GALNT1: variants seen among roughly 807,000 people sequenced by gnomAD.
GALNT1 encodes the protein polypeptide N-acetylgalactosaminyltransferase 1, also known as GalNAc transferase 1.
In GALNT1, 17 loss-of-function variants were observed where a neutral mutation model predicts 65.7. The ratio of observed to expected loss-of-function variants is 0.26; its 90% CI spans 0.18 to 0.39. GALNT1 has a LOEUF of 0.39. Ranked by LOEUF, GALNT1 falls within the 10% of genes least tolerant of loss-of-function variation. GALNT1 has a pLI of 1.00. For missense variants in GALNT1, 460 were observed against 672.8 expected, an observed-to-expected ratio of 0.68 and a Z score of 3.50; for synonymous variants, 210 against 219.7, an observed-to-expected ratio of 0.96 and a Z score of 0.39.
At chr18:35,636,435 GT>G (rs1460771469) in intron 1 of GALNT1, among the ~76,000 whole-genome samples, 4 of 151,970 alleles carry the variant, frequency 2.6e-5, no homozygotes, top group African/African-American at 9.7e-5. Flanking sequence ...CAAAACAACT[GT>G]AGAAAAAACT....
intron 1 of GALNT1, among the ~76,000 whole-genome samples, chr18:35,644,574 TTTAA>T (rs2047205824): frequency 6.6e-6 from 1 of 152,252 alleles, no homozygotes; most frequent in Admixed American, 6.5e-5. Flanking sequence ...AAGTTTATTT[TTTAA>T]TTATATGGAA....
intron 1 of GALNT1, among the ~76,000 whole-genome samples, chr18:35,634,883 G>A (rs920894278): frequency 6.6e-6 from 1 of 152,176 alleles, no homozygotes; most frequent in Non-Finnish European, 1.5e-5. Flanking sequence ...TCTAAGGATA[G>A]CAATCTTAGG....
chr18:35,668,349 T>C (rs1209215534), intron 3 of GALNT1, among the ~76,000 whole-genome samples: 1 of 152,064 alleles, frequency 6.6e-6, no homozygotes, highest in African/African-American at 2.4e-5. Context: ...GATCCAGACC[T>C]TAAAAGATAA....
At chr18:35,644,716 C>T (rs771021195) in intron 1 of GALNT1, among the ~76,000 whole-genome samples, 14 of 152,080 alleles carry the variant, frequency 9.2e-5, no homozygotes, top group Non-Finnish European at 4.4e-5. Flanking sequence ...CCAGGCCAGG[C>T]GTGGTGACTC....
At chr18:35,587,960 A>G (rs1008391308) in intron 1 of GALNT1, among the ~76,000 whole-genome samples, 2 of 151,982 alleles carry the variant, frequency 1.3e-5, no homozygotes, top group African/African-American at 4.8e-5. Flanking sequence ...TTTTCCTTTC[A>G]TCTTCTGTTT....
At chr18:35,632,013 A>G (rs2047019768) in intron 1 of GALNT1, among the ~76,000 whole-genome samples, 1 of 152,238 alleles carries the variant, frequency 6.6e-6, no homozygotes, top group Non-Finnish European at 1.5e-5. Context: ...GACCTCTTCA[A>G]GGAGAACTAC....
intron 1 of GALNT1, among the ~76,000 whole-genome samples, chr18:35,634,043 CTTG>C (rs919933612): frequency 1.3e-5 from 2 of 152,074 alleles, no homozygotes; most frequent in Non-Finnish European, 2.9e-5. Flanking sequence ...CATTTGAGTT[CTTG>C]TTGTGTAAGT....
intron 1 of GALNT1, among the ~76,000 whole-genome samples, chr18:35,632,305 C>A (rs2047025145): frequency 6.6e-6 from 1 of 152,162 alleles, no homozygotes; most frequent in African/African-American, 2.4e-5. Context: ...AACTATACTA[C>A]AAGGCTACAG....
rs944863720 is a variant in GALNT1 at position 35,610,316 on chromosome 18, C to T, written c.-104+28454C>T. Among the ~76,000 whole-genome samples, 7 of 152,236 alleles carry T rather than the reference C, an allele frequency of 4.6e-5. No individual in the cohort carries two copies. In the South Asian group the frequency reaches 1.0e-3, roughly 23 times the overall value. On this transcript the variant is annotated intron_variant, in intron 1 of 11. Coordinates refer to ENST00000269195, the MANE Select transcript of GALNT1 (RefSeq NM_020474.4). ...TCTCATTGCCCTGCCTCAGAGAAGC[C>T]GTTCCTGATCACCTAGGATAAAGTA...
rs139084167 is a variant in GALNT1 at position 35,600,492 on chromosome 18, C to G, written c.-104+18630C>G. On this transcript the variant is annotated intron_variant, in intron 1 of 11. Coordinates refer to ENST00000269195, the MANE Select transcript of GALNT1 (RefSeq NM_020474.4). ...CAAGGATAATTTGACTACTTTCTTT[C>G]CAATTTGGAGGCCCTTTATGTCTTT... Among the ~76,000 whole-genome samples, 51 of 152,234 alleles carry G rather than the reference C, an allele frequency of 3.4e-4. 2 individuals are homozygous for G. The East Asian group carries it at 8.9e-3, about 26-fold the overall frequency.
At chr18:35,583,291 C>G (rs1568010218) in intron 1 of GALNT1, among the ~76,000 whole-genome samples, 1 of 152,150 alleles carries the variant, frequency 6.6e-6, no homozygotes. Flanking sequence ...TCTGCTTTAC[C>G]AGGATTTCAA....
intron 1 of GALNT1, among the ~76,000 whole-genome samples, chr18:35,594,596 T>G (rs2046483104): frequency 6.6e-6 from 1 of 152,144 alleles, no homozygotes; most frequent in African/African-American, 2.4e-5. Context: ...GGTTAGAGAT[T>G]GTATGTAAGG....
Position 35,710,651 on chromosome 18 carries a change from G to T in GALNT1, c.*881G>T, listed in dbSNP as rs1234843670. 6.6e-6 allele frequency: 1 copy of T among 152,590 alleles called. No individual in the cohort carries two copies. Among genetic ancestry groups the T allele is most frequent in the Non-Finnish European group, 1.5e-5 (1 of 68,030 alleles). The allele number at this position is 152,590 out of a possible 1,614,324, so 9.5% of individuals were successfully genotyped here. A position where few individuals can be genotyped will look rare whatever the true frequency, so the allele number is the denominator to read the frequency against. Reference sequence around the variant, plus strand: ...TTGCTCTTGGGTCAACTGGCTTACAGATTTACATGTGCACACACACACAAA... The same window carrying T: ...TTGCTCTTGGGTCAACTGGCTTACATATTTACATGTGCACACACACACAAA... On this transcript the variant is annotated 3_prime_UTR_variant, in exon 12 of 12. Transcript: ENST00000269195.
intron 1 of GALNT1, among the ~76,000 whole-genome samples, chr18:35,600,035 C>T (rs1051269172): frequency 3.3e-5 from 5 of 151,846 alleles, no homozygotes; most frequent in African/African-American, 9.7e-5. Context: ...AATTTAGGAT[C>T]GTCTTTTCTA....
intron 1 of GALNT1, among the ~76,000 whole-genome samples, chr18:35,593,897 C>T (rs189035277): frequency 2.2e-4 from 34 of 151,794 alleles, no homozygotes; most frequent in African/African-American, 6.5e-4. Context: ...TTAGTAGTGA[C>T]GGGGGTTTCA....
chr18:35,687,591 T>C (rs1433624477), intron 6 of GALNT1, among the ~76,000 whole-genome samples: 1 of 152,200 alleles, frequency 6.6e-6, no homozygotes. Context: ...TTCAGACTTG[T>C]ACCATCTGGA....
chr18:35,698,763 C>T (rs966443090), intron 9 of GALNT1, among the ~76,000 whole-genome samples: 3 of 151,690 alleles, frequency 2.0e-5, no homozygotes, highest in South Asian at 2.1e-4. Context: ...TGGATCATGA[C>T]GTCAGGATTT....
At chr18:35,625,307 G>C (rs1340476418) in intron 1 of GALNT1, among the ~76,000 whole-genome samples, 2 of 152,170 alleles carry the variant, frequency 1.3e-5, no homozygotes, top group Non-Finnish European at 2.9e-5. Context: ...CTTGAGAACA[G>C]ATCCGGAGAA....
chr18:35,704,963 C>T (rs2048231734), intron 11 of GALNT1, among the ~76,000 whole-genome samples: 1 of 152,160 alleles, frequency 6.6e-6, no homozygotes, highest in Non-Finnish European at 1.5e-5. Context: ...ATTTTCATAT[C>T]CTCTTATGCC....
Sources: allele counts gnomAD v4.1 joint callset (sites outside exome capture counted in the v4.1 genomes callset), GRCh38; gene constraint gnomAD v4.1.1; transcripts MANE v1.5; gene names NCBI Gene and HGNC (gene_info 2026-07-23, HGNC 2026-07-21).